Variants in DNAH14 observed in about 807,000 individuals in gnomAD.
DNAH14 encodes the protein axonemal beta dynein heavy chain 14.
A neutral mutation model predicts 520.9 loss-of-function variants in DNAH14; 478 were observed. The ratio of observed to expected loss-of-function variants is 0.92; its 90% CI spans 0.85 to 0.99. The LOEUF is 0.99. Ranked by LOEUF, DNAH14 falls within the 50% of genes least tolerant of loss-of-function variation. DNAH14 has a pLI of 0.00. For missense variants in DNAH14, 4,831 were observed against 5,234.5 expected, an observed-to-expected ratio of 0.92 and a Z score of 2.38; for synonymous variants, 1,581 against 1,757.2, an observed-to-expected ratio of 0.90 and a Z score of 2.51.
intron 17 of DNAH14, among the ~76,000 whole-genome samples, chr1:225,074,873 C>G (rs531503063): frequency 6.6e-6 from 1 of 152,212 alleles, no homozygotes; most frequent in African/African-American, 2.4e-5. Flanking sequence ...GCTGGAATTC[C>G]AAGCCACTGG....
intron 41 of DNAH14, among the ~76,000 whole-genome samples, chr1:225,213,967 G>A (rs1430135295): frequency 3.3e-5 from 5 of 152,088 alleles, no homozygotes; most frequent in African/African-American, 7.2e-5. Flanking sequence ...GGTGACAGAG[G>A]GTATCCCTGT....
Position 225,048,335 on chromosome 1 carries a change from TACAAAATATACAAAAA to T in DNAH14, c.1913-1873_1913-1858del, listed in dbSNP as rs557868286. Among the ~76,000 whole-genome samples, 138 of 152,108 alleles carry T rather than the reference TACAAAATATACAAAAA, an allele frequency of 9.1e-4. 1 individual carries two copies. Among genetic ancestry groups the T allele is most frequent in the African/African-American group, 3.1e-3 (128 of 41,510 alleles). ...AGGCAAGATGGTGAAACCCTGTCTC[TACAAAATATACAAAAA>T]ATTAGCCAGGCATTGTGGCACGCAC... On this transcript the variant is annotated intron_variant, in intron 15 of 85. Coordinates refer to ENST00000682510, the MANE Select transcript of DNAH14 (RefSeq NM_001367479.1).
rs530609871 is a variant in DNAH14 at position 224,946,228 on chromosome 1, C to T, written c.-33-6442C>T. 2.6e-5 allele frequency among the ~76,000 whole-genome samples: 4 copies of T among 152,262 alleles called. No individual in the cohort carries two copies. In the East Asian group the frequency reaches 7.7e-4, roughly 29 times the overall value. On this transcript the variant is annotated intron_variant, in intron 1 of 85. Transcript: ENST00000682510. ...TCCCTCAGTCTCACTGCGGCCTTGC[C>T]CTTTGATCTCAGACTGCTGTGCTAG...
intron 41 of DNAH14, among the ~76,000 whole-genome samples, chr1:225,211,316 C>A (rs993192376): frequency 2.0e-5 from 3 of 152,012 alleles, no homozygotes; most frequent in Admixed American, 6.6e-5. Context: ...AATAAATGAC[C>A]TGTTGGAGCT....
intron 1 of DNAH14, among the ~76,000 whole-genome samples, chr1:224,939,940 A>ATTTGTTATT (rs1449098148): frequency 6.6e-6 from 1 of 152,170 alleles, no homozygotes; most frequent in Non-Finnish European, 1.5e-5. Flanking sequence ...TATTTCACTT[A>ATTTGTTATT]TCTATTGCTG....
chr1:225,245,047 G>A (rs1028013144), intron 43 of DNAH14, among the ~76,000 whole-genome samples: 2 of 152,056 alleles, frequency 1.3e-5, no homozygotes, highest in Non-Finnish European at 2.9e-5. Context: ...TGGTACATGT[G>A]CCTTTGTTCT....
chr1:225,393,624 C>T (rs543081987), intron 84 of DNAH14, among the ~76,000 whole-genome samples: 1,897 of 152,258 alleles, frequency 0.012, 41 homozygotes, highest in African/African-American at 0.042. Flanking sequence ...ATTAAATACA[C>T]TGAGGGTCAT....
rs533019833 is a variant in DNAH14 at position 225,140,726 on chromosome 1, T to TAG, written c.4255-41_4255-40insGA. The TAG allele has an allele frequency of 1.4e-4, 179 of 1,315,196 alleles. 2 individuals carry two copies. In the East Asian group the frequency reaches 2.7e-3, roughly 20 times the overall value. 81.5% of individuals were successfully genotyped at this position (1,315,196 alleles called of 1,614,324 possible). On this transcript the variant is annotated intron_variant, in intron 27 of 85. Transcript: ENST00000682510. ...AAAATTTATGCTTCAATTATATATA[T>TAG]ATAGAGAGAGATATATATATAACAT...
chr1:224,943,694 G>A (rs1485608054), intron 1 of DNAH14, among the ~76,000 whole-genome samples: 1 of 152,052 alleles, frequency 6.6e-6, no homozygotes, highest in Non-Finnish European at 1.5e-5. Context: ...GGTATGTTAT[G>A]TCTTTGTTCT....
chr1:225,302,512 G>A lies in DNAH14; in HGVS notation c.8632-644G>A, dbSNP rs1460265176. Among the ~76,000 whole-genome samples the A allele has an allele frequency of 3.3e-5, 5 of 152,154 alleles. 1 individual carries two copies. The highest frequency in any genetic ancestry group is 7.2e-5 in the African/African-American group (3 of 41,440). On this transcript the variant is annotated intron_variant, in intron 56 of 85. Transcript: ENST00000682510. ...CACTAAGTCACTGAGGCTGTTTTCA[G>A]TAATGCGGACTTATTGCAAAGTGAT...
rs908474332 is a variant in DNAH14, at chr1:225,101,998, C to T, written c.3867+1114C>T. On this transcript the variant is annotated intron_variant, in intron 23 of 85. Coordinates refer to ENST00000682510, the MANE Select transcript of DNAH14 (RefSeq NM_001367479.1). Reference sequence around the variant, plus strand: ...TGTTGGTGTGCTGCACCCATTAACTCGTCATTTAACATTAGGTATATCTCC... The same window carrying T: ...TGTTGGTGTGCTGCACCCATTAACTTGTCATTTAACATTAGGTATATCTCC... Among the ~76,000 whole-genome samples, 5 of 150,232 alleles carry T rather than the reference C, an allele frequency of 3.3e-5. No individual in the cohort carries two copies. The East Asian group carries it at 5.9e-4, about 18-fold the overall frequency.
At chr1:225,057,949 T>G (rs2148376890) in intron 17 of DNAH14, among the ~76,000 whole-genome samples, 1 of 152,282 alleles carries the variant, frequency 6.6e-6, no homozygotes, top group East Asian at 1.9e-4. Context: ...TATTGAGGAT[T>G]TTTGCATTGA....
intron 84 of DNAH14, among the ~76,000 whole-genome samples, chr1:225,395,246 T>A (rs1265134415): frequency 6.6e-6 from 1 of 152,200 alleles, no homozygotes; most frequent in African/African-American, 2.4e-5. Context: ...TTGAATCATC[T>A]TAATTGTAAT....
intron 61 of DNAH14, among the ~76,000 whole-genome samples, chr1:225,322,088 T>TTC (rs2150206455): frequency 9.1e-6 from 1 of 109,684 alleles, no homozygotes; most frequent in East Asian, 2.3e-4. Context: ...TTTCTTTCTT[T>TTC]TTTTTTTTTT....
chr1:225,265,218 A>G lies in DNAH14; in HGVS notation c.7259A>G (p.Lys2420Arg), dbSNP rs2093068440. 1 of 1,506,440 alleles carries G rather than the reference A, an allele frequency of 6.6e-7. No homozygotes were observed. The highest frequency in any genetic ancestry group is 1.3e-5 in the South Asian group (1 of 74,402). The allele number at this position is 1,506,440 out of a possible 1,614,324, so 93.3% of individuals were successfully genotyped here. The change falls in exon 48 of 86, where the codon AAA becomes AGA. Residue 2420 changes from lysine to arginine, a missense_variant. Transcript: ENST00000682510. ...AAAAAGCCAGAAGTTAGAACTAATA[A>G]AAAGTTACTTAAAAATAATGATCAT... Reference protein sequence around the residue: ...PTKKPEVRTNKKLLKNNDHKG... With the variant: ...PTKKPEVRTNRKLLKNNDHKG...
At chr1:225,014,297 C>T (rs1167588365) in intron 10 of DNAH14, among the ~76,000 whole-genome samples, 1 of 152,142 alleles carries the variant, frequency 6.6e-6, no homozygotes, top group African/African-American at 2.4e-5. Context: ...ACTGTCTAAC[C>T]AGTCCCAATG....
chr1:224,995,123 G>A (rs1296917411), intron 8 of DNAH14, among the ~76,000 whole-genome samples: 1 of 152,118 alleles, frequency 6.6e-6, no homozygotes, highest in African/African-American at 2.4e-5. Context: ...ATATGGTTCA[G>A]TATTATTTAT....
At chr1:225,178,900 G>T (rs2083648760) in intron 36 of DNAH14, among the ~76,000 whole-genome samples, 1 of 152,066 alleles carries the variant, frequency 6.6e-6, no homozygotes, top group African/African-American at 2.4e-5. Context: ...TTCCCATGCT[G>T]TTCTTATGAT....
chr1:224,976,683 G>C (rs2061871137), intron 8 of DNAH14, among the ~76,000 whole-genome samples: 1 of 150,064 alleles, frequency 6.7e-6, no homozygotes, highest in Non-Finnish European at 1.5e-5. Context: ...CGAAGGACAT[G>C]AACAGACACT....
Sources: gnomAD v4.1 joint callset for allele counts (sites outside exome capture counted in the v4.1 genomes callset) on GRCh38, gnomAD v4.1.1 for gene constraint, MANE v1.5 for transcripts, NCBI Gene and HGNC (gene_info 2026-07-23, HGNC 2026-07-21) for gene names.